Variants in HIVEP2 observed in about 807,000 individuals in gnomAD.
HIVEP2 encodes the protein transcription factor HIVEP2.
HIVEP2 carries 14 observed loss-of-function variants against 180.7 expected under a neutral mutation model. The ratio of observed to expected loss-of-function variants is 0.08; its 90% CI spans 0.05 to 0.12. The LOEUF is 0.12. Ranked by LOEUF, HIVEP2 falls within the 10% of genes least tolerant of loss-of-function variation. HIVEP2 has a pLI of 1.00. For missense variants in HIVEP2, 2,579 were observed against 3,008.5 expected, an observed-to-expected ratio of 0.86 and a Z score of 3.34; for synonymous variants, 1,184 against 1,136.4, an observed-to-expected ratio of 1.04 and a Z score of -0.84.
rs780536326 is a variant in HIVEP2, at chr6:142,774,887, C to T, written c.-149G>A. 3 of 1,499,638 alleles carry T rather than the reference C, an allele frequency of 2.0e-6. No homozygotes were observed. Among genetic ancestry groups the T allele is most frequent in the South Asian group, 1.4e-5 (1 of 72,834 alleles). The allele number at this position is 1,499,638 out of a possible 1,614,324, so 92.9% of individuals were successfully genotyped here. ...GATTGCTCCTTCTCTTTGGAACCTT[C>T]CACACGCACACCACAGTCGATGGGC... On this transcript the variant is annotated 5_prime_UTR_variant, in exon 5 of 10. Coordinates refer to ENST00000367603, the MANE Select transcript of HIVEP2 (RefSeq NM_006734.4). This position sits in a 1 kb window ranked among gnomAD's most constrained non-coding sequence, Gnocchi z 5.1.
intron 2 of HIVEP2, among the ~76,000 whole-genome samples, chr6:142,826,404 T>A (rs1409622806): frequency 6.6e-6 from 1 of 152,204 alleles, no homozygotes; most frequent in Non-Finnish European, 1.5e-5. Flanking sequence ...CCATGATCAC[T>A]GGTTGAAATA....
chr6:142,815,166 C>T (rs1459467139), intron 2 of HIVEP2, among the ~76,000 whole-genome samples: 2 of 152,302 alleles, frequency 1.3e-5, no homozygotes, highest in Non-Finnish European at 2.9e-5. Flanking sequence ...CTAATCACCT[C>T]TCCTTAGGTC....
At chr6:142,870,186 T>C (rs966885897) in intron 1 of HIVEP2, among the ~76,000 whole-genome samples, 8 of 151,992 alleles carry the variant, frequency 5.3e-5, no homozygotes, top group Non-Finnish European at 8.8e-5. Context: ...AAGGTTATTA[T>C]TGACTTGAAC....
intron 9 of HIVEP2, among the ~76,000 whole-genome samples, chr6:142,754,849 T>C (rs1388833326): frequency 6.6e-6 from 1 of 152,222 alleles, no homozygotes; most frequent in Non-Finnish European, 1.5e-5. Context: ...AAATGGAGAA[T>C]TTATTTTCTA....
intron 1 of HIVEP2, among the ~76,000 whole-genome samples, chr6:142,898,487 C>A (rs1164975362): frequency 6.6e-6 from 1 of 152,014 alleles, no homozygotes; most frequent in African/African-American, 2.4e-5. Context: ...CATGGCAAAA[C>A]CCCATCTCTA....
intron 1 of HIVEP2, among the ~76,000 whole-genome samples, chr6:142,942,827 C>T (rs1316425657): frequency 1.3e-5 from 2 of 152,148 alleles, no homozygotes; most frequent in Admixed American, 1.3e-4. Flanking sequence ...AAGTTAGCCA[C>T]ATAAAATACA....
intron 1 of HIVEP2, among the ~76,000 whole-genome samples, chr6:142,851,459 G>C (rs1775670037): frequency 6.6e-6 from 1 of 152,220 alleles, no homozygotes; most frequent in Non-Finnish European, 1.5e-5. Flanking sequence ...AACGGTAATG[G>C]AGTTTGAAAC....
At chr6:142,757,485 C>T (rs1203376429) in intron 9 of HIVEP2, among the ~76,000 whole-genome samples, 2 of 152,066 alleles carry the variant, frequency 1.3e-5, no homozygotes, top group Non-Finnish European at 2.9e-5. Context: ...ATGGTGAAAC[C>T]ATGTTTCTAC....
At position 142,906,342 on chromosome 6, in the gene HIVEP2, A is replaced by T. The variant is rs76944112; in HGVS notation, c.-641+38757T>A. Among the ~76,000 whole-genome samples the T allele has an allele frequency of 8.6e-3, 1,308 of 152,248 alleles. 86 individuals carry two copies. The East Asian group carries it at 0.17, about 20-fold the overall frequency. ...AGAACCAAGTAGATATAAGGTAACA[A>T]GAATTAATATTTAAAATATATAAAA... On this transcript the variant is annotated intron_variant, in intron 1 of 9. Transcript: ENST00000367603.
intron 1 of HIVEP2, among the ~76,000 whole-genome samples, chr6:142,890,126 C>T: frequency 6.6e-6 from 1 of 152,126 alleles, no homozygotes; most frequent in East Asian, 1.9e-4. Context: ...TCAACATTGC[C>T]TGCTCTGTTA....
chr6:142,832,439 A>G (rs1245338401), intron 2 of HIVEP2, among the ~76,000 whole-genome samples: 1 of 152,190 alleles, frequency 6.6e-6, no homozygotes, highest in African/African-American at 2.4e-5. Flanking sequence ...AGAAGTATAA[A>G]TTGTTAAGGG....
At chr6:142,755,616 CAG>C (rs147431699) in intron 9 of HIVEP2, among the ~76,000 whole-genome samples, 34 of 150,298 alleles carry the variant, frequency 2.3e-4, no homozygotes, top group Non-Finnish European at 2.7e-4. Context: ...GAACAGAAGT[CAG>C]AGAGAGAGAG....
intron 1 of HIVEP2, among the ~76,000 whole-genome samples, chr6:142,866,825 T>C (rs1301215736): frequency 6.6e-6 from 1 of 152,166 alleles, no homozygotes; most frequent in Non-Finnish European, 1.5e-5. Flanking sequence ...CTCAGGCCAA[T>C]GTGGCTACTT....
At chr6:142,778,032 G>A (rs1352394410) in intron 3 of HIVEP2, among the ~76,000 whole-genome samples, 1 of 152,132 alleles carries the variant, frequency 6.6e-6, no homozygotes, top group African/African-American at 2.4e-5. Flanking sequence ...GTAGCCCCCA[G>A]ATATTTGTAG....
chr6:142,807,196 T>C (rs1776575803), intron 2 of HIVEP2, among the ~76,000 whole-genome samples: 1 of 152,198 alleles, frequency 6.6e-6, no homozygotes, highest in Non-Finnish European at 1.5e-5. Context: ...ACTTGGCCAG[T>C]ACTTCATAGT....
intron 1 of HIVEP2, among the ~76,000 whole-genome samples, chr6:142,848,060 T>C (rs1775561243): frequency 6.6e-6 from 1 of 152,232 alleles, no homozygotes; most frequent in Admixed American, 6.5e-5. Flanking sequence ...TAACAACGGA[T>C]TATCCCATGG....
At chr6:142,884,552 C>T (rs182972192) in intron 1 of HIVEP2, among the ~76,000 whole-genome samples, 2 of 152,158 alleles carry the variant, frequency 1.3e-5, no homozygotes, top group South Asian at 2.1e-4. Flanking sequence ...AGAATGATGT[C>T]GTTTCATTCA....
intron 4 of HIVEP2, 38 bp from the exon 5 acceptor site, chr6:142,775,163 G>T: frequency 8.8e-5 from 53 of 600,676 alleles, no homozygotes; most frequent in South Asian, 1.6e-4. Context: ...TGTCATAACA[G>T]TTTCAAATAA....
At chr6:142,877,960 G>A (rs748106511) in intron 1 of HIVEP2, among the ~76,000 whole-genome samples, 1 of 152,276 alleles carries the variant, frequency 6.6e-6, no homozygotes, top group Middle Eastern at 3.4e-3. Flanking sequence ...TGCTGGGATT[G>A]TGTGTTTCTG....
Sources: allele counts gnomAD v4.1 joint callset (sites outside exome capture counted in the v4.1 genomes callset), GRCh38; gene constraint gnomAD v4.1.1; non-coding constraint Gnocchi (gnomAD v3.1); transcripts MANE v1.5; gene names NCBI Gene and HGNC (gene_info 2026-07-23, HGNC 2026-07-21).